Variants in CHRDL1 observed in about 807,000 individuals in gnomAD.
The protein encoded by CHRDL1 is chordin-like protein 1.
CHRDL1 carries 19 observed loss-of-function variants against 40.9 expected under a neutral mutation model. The ratio of observed to expected loss-of-function variants is 0.46; its 90% CI spans 0.32 to 0.68. CHRDL1 has a LOEUF of 0.68. Ranked by LOEUF, CHRDL1 falls within the 30% of genes least tolerant of loss-of-function variation. The pLI is 0.03. For missense variants in CHRDL1, 329 were observed against 352.1 expected, an observed-to-expected ratio of 0.93 and a Z score of 0.53; for synonymous variants, 136 against 123.4, an observed-to-expected ratio of 1.10 and a Z score of -0.68.
chrX:110,722,346 C>T (rs59561265), intron 4 of CHRDL1, among the ~76,000 whole-genome samples: 2 of 110,255 alleles, frequency 1.8e-5, no homozygotes, highest in Non-Finnish European at 3.8e-5. Context: ...GTTCCAGCCT[C>T]TGTGGTTTTG....
At chrX:110,752,884 T>C (rs2089384652) in intron 4 of CHRDL1, among the ~76,000 whole-genome samples, 1 of 110,848 alleles carries the variant, frequency 9.0e-6, no homozygotes, top group African/African-American at 3.3e-5. Context: ...GCAATGGAGA[T>C]CAGATATGGA....
chrX:110,784,132 C>T (rs1280911498), intron 2 of CHRDL1, among the ~76,000 whole-genome samples: 1 of 111,684 alleles, frequency 9.0e-6, no homozygotes, highest in African/African-American at 3.3e-5. Flanking sequence ...TACGTCTCTT[C>T]TGTCATTTAT....
At position 110,688,589 on chromosome X, in the gene CHRDL1, C is replaced by T. The variant is rs369229430; in HGVS notation, c.988+5G>A. The T allele has an allele frequency of 9.2e-6, 11 of 1,200,096 alleles. No individual in the cohort carries two copies. In the Admixed American group the frequency reaches 1.1e-4, roughly 12 times the overall value. On this transcript the variant is annotated splice_donor_5th_base_variant and intron_variant, in intron 9 of 11. Coordinates refer to ENST00000372042, the MANE Select transcript of CHRDL1 (RefSeq NM_001143981.2). ...AACCAAAAGCAGGGCCTCCAACCAA[C>T]GCACCTTTTGCTTTTTTACCTGGAC...
At chrX:110,782,695 C>T (rs1302385749) in intron 2 of CHRDL1, among the ~76,000 whole-genome samples, 2 of 112,178 alleles carry the variant, frequency 1.8e-5, no homozygotes, top group East Asian at 5.6e-4. Flanking sequence ...TAAAATAGTG[C>T]TCATGCTTTT....
chrX:110,688,566 C>T lies in CHRDL1; in HGVS notation c.988+28G>A, dbSNP rs1447334435. The T allele has an allele frequency of 4.5e-6, 5 of 1,116,588 alleles. No individual in the cohort carries two copies. The African/African-American group carries it at 5.5e-5, about 12-fold the overall frequency. The allele number at this position is 1,116,588 out of a possible 1,213,427, so 92.0% of individuals were successfully genotyped here. On this transcript the variant is annotated intron_variant, in intron 9 of 11. Transcript: ENST00000372042. The stretch of plus-strand genomic sequence containing the variant: ...AAGACTAGGTGAGAATCTCAGTCAA[C>T]CAAAAGCAGGGCCTCCAACCAACGC...
At chrX:110,771,309 G>A (rs2089755643) in intron 2 of CHRDL1, among the ~76,000 whole-genome samples, 1 of 111,579 alleles carries the variant, frequency 9.0e-6, no homozygotes, top group African/African-American at 3.3e-5. Flanking sequence ...CTGAAGAGGA[G>A]GGAATACTTC....
At chrX:110,680,224 G>A (rs1023189288) in intron 10 of CHRDL1, among the ~76,000 whole-genome samples, 1 of 111,688 alleles carries the variant, frequency 9.0e-6, no homozygotes, top group African/African-American at 3.3e-5. Flanking sequence ...CCTCTGAGAG[G>A]CGAAAGATGT....
chrX:110,779,142 T>C (rs772864790), intron 2 of CHRDL1, among the ~76,000 whole-genome samples: 1 of 110,994 alleles, frequency 9.0e-6, no homozygotes, highest in Non-Finnish European at 1.9e-5. Flanking sequence ...AAAATACCTA[T>C]TGAGTACTAT....
chrX:110,746,718 A>G (rs918422394), intron 4 of CHRDL1, among the ~76,000 whole-genome samples: 8 of 111,520 alleles, frequency 7.2e-5, no homozygotes, highest in Non-Finnish European at 1.5e-4. Flanking sequence ...ATTGGGATCT[A>G]GAGGAACACG....
At chrX:110,677,138 G>T (rs1208174245) in intron 11 of CHRDL1, among the ~76,000 whole-genome samples, 3 of 111,125 alleles carry the variant, frequency 2.7e-5, no homozygotes, top group Non-Finnish European at 5.7e-5. Flanking sequence ...CTCCTCTTAA[G>T]CCCAAACCTG....
intron 6 of CHRDL1, among the ~76,000 whole-genome samples, chrX:110,716,721 G>A (rs894525430): frequency 1.8e-5 from 2 of 111,266 alleles, no homozygotes; most frequent in Non-Finnish European, 3.8e-5. Flanking sequence ...ACCTGAGGAC[G>A]GCCTGCAATA....
At chrX:110,715,049 T>C (rs1179722105) in intron 6 of CHRDL1, among the ~76,000 whole-genome samples, 2 of 111,696 alleles carry the variant, frequency 1.8e-5, no homozygotes, top group East Asian at 5.6e-4. Context: ...AAGTGTAGGA[T>C]TTAGTCTTTA....
chrX:110,733,677 G>A (rs763729549), intron 4 of CHRDL1, among the ~76,000 whole-genome samples: 1 of 111,206 alleles, frequency 9.0e-6, no homozygotes, highest in South Asian at 3.8e-4. Context: ...GGAGGCTGAG[G>A]TGGGTGGATC....
In CHRDL1 at chrX:110,762,726, A is replaced by C. The variant is rs1183077628; in HGVS notation, c.176T>G (p.Leu59Trp). 2 of 1,186,458 alleles carry C rather than the reference A, an allele frequency of 1.7e-6. No individual in the cohort carries two copies. The highest frequency in any genetic ancestry group is 2.3e-6 in the Non-Finnish European group (2 of 874,526). The change falls in exon 3 of 12, where the codon TTG becomes TGG. Residue 59 changes from leucine (L) to tryptophan (W), a missense_variant. Leu to Trp is a moderately conservative substitution (Grantham distance 61, BLOSUM62 -2). Transcript: ENST00000372042. ...GCAGATGCAGTTCACGCAGTAAACC[A>C]ACCCATAAGGTTCCAGGTAAGGATG... ...RWHPYLEPYG[L>W]VYCVNCICSE...
Position 110,681,663 on chromosome X carries a change from G to A in CHRDL1, c.989-14C>T. 1 of 1,179,440 alleles carries A rather than the reference G, an allele frequency of 8.5e-7. No homozygotes were observed. Among genetic ancestry groups the A allele is most frequent in the Non-Finnish European group, 1.1e-6 (1 of 872,293 alleles). On this transcript the variant is annotated splice_polypyrimidine_tract_variant and intron_variant, in intron 9 of 11. Coordinates refer to ENST00000372042, the MANE Select transcript of CHRDL1 (RefSeq NM_001143981.2). ...CTGGAAGTTCTTCTGGAATCAGGAA[G>A]CAAGTAGAATTTTGTCATGGTTTTC...
At chrX:110,691,238 A>T (rs1366813743) in intron 8 of CHRDL1, among the ~76,000 whole-genome samples, 1 of 104,187 alleles carries the variant, frequency 9.6e-6, no homozygotes, top group Non-Finnish European at 2.0e-5. Flanking sequence ...CCAAAAAAGG[A>T]GCAAGCATCT....
At chrX:110,742,390 C>T (rs975870614) in intron 4 of CHRDL1, among the ~76,000 whole-genome samples, 2 of 112,398 alleles carry the variant, frequency 1.8e-5, no homozygotes, top group Non-Finnish European at 1.9e-5. Context: ...GCCACATCTA[C>T]AGAGGCCCCA....
rs1481209267 is a variant in CHRDL1 at position 110,689,869 on chromosome X, CTA to C, written c.779-1068_779-1067del. 4.7e-4 allele frequency among the ~76,000 whole-genome samples: 9 copies of C among 18,963 alleles called. 1 individual carries two copies. The highest frequency in any genetic ancestry group is 2.1e-3 in the Admixed American group (4 of 1,885). The allele number at this position is 18,963 out of a possible 115,157, so 16.5% of individuals were successfully genotyped here. ...TATATATCTATATATATCTATATAT[CTA>C]TATATATCTATATATCTATATATCT... On this transcript the variant is annotated intron_variant, in intron 8 of 11. Transcript: ENST00000372042.
At chrX:110,785,857 C>T (rs568703134) in intron 2 of CHRDL1, among the ~76,000 whole-genome samples, 1 of 112,047 alleles carries the variant, frequency 8.9e-6, no homozygotes, top group Admixed American at 9.4e-5. Context: ...GTCTAGTAGA[C>T]ATATTAAACA....
Sources: allele counts gnomAD v4.1 joint callset (sites outside exome capture counted in the v4.1 genomes callset), GRCh38; gene constraint gnomAD v4.1.1; transcripts MANE v1.5; gene names NCBI Gene and HGNC (gene_info 2026-07-23, HGNC 2026-07-21).